Variants in PPP2R2D observed in about 807,000 individuals in gnomAD.
PPP2R2D encodes protein phosphatase 2 regulatory subunit Bdelta.
A neutral mutation model predicts 31.1 loss-of-function variants in PPP2R2D; 9 were observed. The observed-to-expected ratio is 0.29, with a 90% CI of 0.17 to 0.51. PPP2R2D has a LOEUF of 0.51. PPP2R2D is among the 20% of genes least tolerant of loss of function. The pLI, the probability that PPP2R2D is intolerant of heterozygous loss-of-function variation, is 0.98. For synonymous variants in PPP2R2D, 179 were observed against 172.6 expected, an observed-to-expected ratio of 1.04 and a Z score of -0.29; for missense variants, 391 against 465.6, an observed-to-expected ratio of 0.84 and a Z score of 1.48.
chr10:131,904,396 G>A (rs2035550206), intron 2 of PPP2R2D, among the ~76,000 whole-genome samples: 2 of 151,906 alleles, frequency 1.3e-5, no homozygotes, highest in Admixed American at 1.3e-4. Context: ...TGCAGTCCCA[G>A]CTACTTGGGA....
chr10:131,956,315 T>C lies in PPP2R2D; in HGVS notation c.*352T>C, dbSNP rs1230200323. 5.0e-6 allele frequency: 5 copies of C among 1,001,634 alleles called. No individual in the cohort carries two copies. Among genetic ancestry groups the C allele is most frequent in the Non-Finnish European group, 5.9e-6 (5 of 841,010 alleles). The allele number at this position is 1,001,634 out of a possible 1,614,324, so 62.0% of individuals were successfully genotyped here. On this transcript the variant is annotated 3_prime_UTR_variant, in exon 9 of 9. Transcript: ENST00000455566. ...GAGAAAAGTTATTGTCAGATACCGCTCTTTCTCCAACTTTCCCTCTTTCTC... is the reference window on the plus strand; with the variant it reads ...GAGAAAAGTTATTGTCAGATACCGCCCTTTCTCCAACTTTCCCTCTTTCTC...
chr10:131,954,198 A>G (rs1246501779), intron 8 of PPP2R2D, among the ~76,000 whole-genome samples: 2 of 152,220 alleles, frequency 1.3e-5, no homozygotes, highest in East Asian at 1.9e-4. Context: ...GGCTGGCACT[A>G]TCTGTCGAGA....
intron 2 of PPP2R2D, among the ~76,000 whole-genome samples, chr10:131,933,854 C>A (rs74162810): frequency 0.019 from 2,892 of 152,090 alleles, 93 homozygotes; most frequent in African/African-American, 0.064. Flanking sequence ...TGTCTGGGGT[C>A]TTTGTTATGC....
intron 3 of PPP2R2D, among the ~76,000 whole-genome samples, chr10:131,938,460 T>G (rs1322807094): frequency 6.6e-6 from 1 of 152,090 alleles, no homozygotes; most frequent in Non-Finnish European, 1.5e-5. Flanking sequence ...CACCCAGAGG[T>G]TATCCCTTCA....
In PPP2R2D at chr10:131,956,484, G is replaced by A. The variant is rs905882053; in HGVS notation, c.*521G>A. On this transcript the variant is annotated 3_prime_UTR_variant, in exon 9 of 9. Coordinates refer to ENST00000455566, the MANE Select transcript of PPP2R2D (RefSeq NM_018461.5). ...GCGGCCCCACTCACCCACAGCATCC[G>A]CCGCCACCCCTTCGGGTGTGAGCGC... is the stretch of plus-strand genomic sequence containing the variant. 8.1e-6 allele frequency: 8 copies of A among 985,494 alleles called. No individual in the cohort carries two copies. The highest frequency in any genetic ancestry group is 8.4e-6 in the Non-Finnish European group (7 of 830,030). 61.0% of individuals were successfully genotyped at this position (985,494 alleles called of 1,614,324 possible). A position where few individuals can be genotyped will look rare whatever the true frequency, so the allele number is the denominator to read the frequency against.
intron 2 of PPP2R2D, among the ~76,000 whole-genome samples, chr10:131,933,927 G>A (rs2036290176): frequency 6.6e-6 from 1 of 152,116 alleles, no homozygotes; most frequent in Non-Finnish European, 1.5e-5. Context: ...ATCATTATCA[G>A]TGGTGGTAAC....
chr10:131,926,470 A>C lies in PPP2R2D; in HGVS notation c.101-7988A>C, dbSNP rs151070073. Among the ~76,000 whole-genome samples, 70 of 152,248 alleles carry C rather than the reference A, an allele frequency of 4.6e-4. 1 individual carries two copies. Among genetic ancestry groups the C allele is most frequent in the Admixed American group, 2.7e-3 (42 of 15,290 alleles). ...GGCAGGAGGATCGCTTGAGCCCAGGAGTTCGTGACCAGCCTGGACAACATA... is the reference window on the plus strand; with the variant it reads ...GGCAGGAGGATCGCTTGAGCCCAGGCGTTCGTGACCAGCCTGGACAACATA... On this transcript the variant is annotated intron_variant, in intron 2 of 8. Transcript: ENST00000455566.
downstream of PPP2R2D, among the ~76,000 whole-genome samples, chr10:131,962,818 G>A (rs797041968): frequency 1.3e-5 from 2 of 152,310 alleles, no homozygotes; most frequent in African/African-American, 4.8e-5. Flanking sequence ...CTGCACTTCC[G>A]CCGATCAGAG....
At chr10:131,930,778 G>A (rs1340093225) in intron 2 of PPP2R2D, among the ~76,000 whole-genome samples, 1 of 152,188 alleles carries the variant, frequency 6.6e-6, no homozygotes, top group Non-Finnish European at 1.5e-5. Context: ...CCTGGGAACG[G>A]GGCCTTGGAT....
At chr10:131,912,351 GC>G (rs1438808901) in intron 2 of PPP2R2D, 1 of 152,218 alleles carries the variant, frequency 6.6e-6, no homozygotes, top group Non-Finnish European at 1.5e-5. Context: ...GCCATGCCCA[GC>G]TTTTTTCTAT....
chr10:131,950,751 T>G (rs765348055), intron 8 of PPP2R2D, among the ~76,000 whole-genome samples: 30 of 152,076 alleles, frequency 2.0e-4, no homozygotes, highest in Non-Finnish European at 4.1e-4. Flanking sequence ...ACGGCCTTAG[T>G]TATCTGTGTT....
downstream of PPP2R2D, among the ~76,000 whole-genome samples, chr10:131,964,669 T>TTG (rs1464375085): frequency 6.8e-6 from 1 of 147,856 alleles, no homozygotes; most frequent in African/African-American, 2.6e-5. Flanking sequence ...TTACTATGTT[T>TTG]TTTTTTTTTT....
At chr10:131,931,014 G>A (rs1554895607) in intron 2 of PPP2R2D, among the ~76,000 whole-genome samples, 22 of 152,120 alleles carry the variant, frequency 1.4e-4, no homozygotes, top group Non-Finnish European at 1.5e-5. Flanking sequence ...CCTCTCCTGG[G>A]GGCCCCACTG....
In PPP2R2D at chr10:131,951,853, T is replaced by C. The variant is rs151145009; in HGVS notation, c.1083-3831T>C. Among the ~76,000 whole-genome samples the C allele has an allele frequency of 3.1e-3, 472 of 152,206 alleles. 1 individual carries two copies. Among genetic ancestry groups the C allele is most frequent in the Middle Eastern group, 0.01 (3 of 294 alleles). On this transcript the variant is annotated intron_variant, in intron 8 of 8. Coordinates refer to ENST00000455566, the MANE Select transcript of PPP2R2D (RefSeq NM_018461.5). ...ACAAAAAAAATCTGTATACAAAATA[T>C]AAATGTGTGTGGGGATGACACATAT... is the stretch of plus-strand genomic sequence containing the variant.
intron 2 of PPP2R2D, among the ~76,000 whole-genome samples, chr10:131,934,150 G>C (rs1340664208): frequency 6.6e-6 from 1 of 151,882 alleles, no homozygotes; most frequent in Non-Finnish European, 1.5e-5. Flanking sequence ...TTTTACAGAT[G>C]AATTTTCTAA....
the PPP2R2D span, chr10:131,968,707 TAATG>T: frequency 6.3e-6 from 4 of 632,304 alleles, no homozygotes; most frequent in East Asian, 1.1e-4. Context: ...AAAAATTTTG[TAATG>T]AATCTATCTG....
rs556808959 is a variant in PPP2R2D, at chr10:131,945,785, C to G, written c.820+326C>G. On this transcript the variant is annotated intron_variant, in intron 7 of 8. Transcript: ENST00000455566. The surrounding 1 kb of genome is among the most constrained non-coding windows in gnomAD (Gnocchi z 4.8). The stretch of plus-strand genomic sequence containing the variant: ...GTCTTTTAAAGCATCTCATTTAGAG[C>G]CACTTGTTCTTCAGACACTCCAAAG... 3 of 230,042 alleles carry G rather than the reference C, an allele frequency of 1.3e-5. No homozygotes were observed. The highest frequency in any genetic ancestry group is 4.5e-5 in the African/African-American group (2 of 44,462). The allele number at this position is 230,042 out of a possible 1,614,324, so 14.3% of individuals were successfully genotyped here. A position where few individuals can be genotyped will look rare whatever the true frequency, so the allele number is the denominator to read the frequency against.
chr10:131,915,606 C>T (rs1247582233), intron 2 of PPP2R2D, among the ~76,000 whole-genome samples: 3 of 152,188 alleles, frequency 2.0e-5, no homozygotes, highest in African/African-American at 7.2e-5. Context: ...TAGCCTGTCC[C>T]TGCTCTTGAG....
intron 2 of PPP2R2D, among the ~76,000 whole-genome samples, chr10:131,916,019 A>G (rs2035772186): frequency 6.6e-6 from 1 of 152,258 alleles, no homozygotes; most frequent in Non-Finnish European, 1.5e-5. Flanking sequence ...AGGTATCAGC[A>G]TACGGCTTTC....
Sources: gnomAD v4.1 joint callset for allele counts (sites outside exome capture counted in the v4.1 genomes callset) on GRCh38, gnomAD v4.1.1 for gene constraint, Gnocchi (gnomAD v3.1) non-coding constraint, MANE v1.5 for transcripts, NCBI Gene and HGNC (gene_info 2026-07-23, HGNC 2026-07-21) for gene names.